The following TLK1 variants were observed in gnomAD, a reference collection of about 807,000 sequenced individuals.
TLK1 encodes the protein serine/threonine-protein kinase tousled-like 1.
A neutral mutation model predicts 105.3 loss-of-function variants in TLK1; 24 were observed. That is an observed-to-expected ratio of 0.23 (90% confidence interval 0.17 to 0.32). The LOEUF is 0.32. Ranked by LOEUF, TLK1 falls within the 10% of genes least tolerant of loss-of-function variation. TLK1 has a pLI of 1.00. For synonymous variants in TLK1, 321 were observed against 310.4 expected (o/e 1.03, Z -0.36); for missense variants, 558 against 910.5 (o/e 0.61, Z 4.98).
intron 1 of TLK1, among the ~76,000 whole-genome samples, chr2:171,171,878 T>G (rs1381187034): frequency 6.6e-6 from 1 of 152,190 alleles, no homozygotes; most frequent in Non-Finnish European, 1.5e-5. Context: ...CCACTAAAGC[T>G]GAAATGTCCA....
intron 1 of TLK1, among the ~76,000 whole-genome samples, chr2:171,213,137 A>G (rs567689827): frequency 6.6e-6 from 1 of 152,072 alleles, no homozygotes; most frequent in Admixed American, 6.5e-5. Flanking sequence ...TAATGGGTGA[A>G]TTCCAAGTCT....
intron 2 of TLK1, among the ~76,000 whole-genome samples, chr2:171,089,001 C>G (rs374356125): frequency 6.6e-6 from 1 of 152,218 alleles, no homozygotes. Flanking sequence ...TCTGCCTCAG[C>G]CTTCTGAGTA....
intron 6 of TLK1, 32 bp from the exon 7 acceptor site, chr2:171,055,204 A>C (rs1419559887): frequency 2.4e-5 from 6 of 249,466 alleles, no homozygotes; most frequent in Non-Finnish European, 2.3e-5. Flanking sequence ...TTATATTAGC[A>C]AAAAAAAAAA....
At chr2:171,161,342 A>G (rs1019837668), upstream of TLK1, among the ~76,000 whole-genome samples, 8 of 152,086 alleles carry the variant, frequency 5.3e-5, no homozygotes, top group Non-Finnish European at 8.8e-5. Context: ...CGGGAGTTCA[A>G]TGTGATCGTT....
rs1360701301 is a variant in TLK1 at position 170,993,232 on chromosome 2, T to TCTAA, written c.*544_*547dup. ...ACAAAGCCTAACTTTGTCCAAAGAT[T>TCTAA]CTAACTCTCACATTCTATTACTATA... is the stretch of plus-strand genomic sequence containing the variant. On this transcript the variant is annotated 3_prime_UTR_variant, in exon 21 of 21. Transcript: ENST00000431350. The TCTAA allele has an allele frequency of 6.6e-6, 1 of 152,624 alleles. No individual in the cohort carries two copies. 9.5% of individuals were successfully genotyped at this position (152,624 alleles called of 1,614,324 possible).
At chr2:171,100,902 A>G (rs892319205) in intron 2 of TLK1, among the ~76,000 whole-genome samples, 10 of 152,252 alleles carry the variant, frequency 6.6e-5, no homozygotes, top group Non-Finnish European at 1.5e-4. Context: ...TTTGCATCAA[A>G]AAACGGAAAC....
At chr2:170,998,081 T>C (rs939292262) in intron 18 of TLK1, among the ~76,000 whole-genome samples, 1 of 108,196 alleles carries the variant, frequency 9.2e-6, no homozygotes, top group African/African-American at 3.4e-5. Flanking sequence ...TATCTATCTA[T>C]CTATCTATCT....
chr2:171,123,330 G>A (rs538848179), intron 1 of TLK1, among the ~76,000 whole-genome samples: 168 of 152,142 alleles, frequency 1.1e-3, no homozygotes, highest in Admixed American at 2.7e-3. Flanking sequence ...CCAAGTAGCC[G>A]GGATTACAGG....
chr2:171,012,032 T>C (rs537576222), intron 13 of TLK1, among the ~76,000 whole-genome samples: 3 of 152,170 alleles, frequency 2.0e-5, no homozygotes, highest in South Asian at 2.1e-4. Context: ...GTATCCCTTA[T>C]TGAAATACCT....
intron 1 of TLK1, among the ~76,000 whole-genome samples, chr2:171,203,759 G>C (rs776668333): frequency 2.9e-4 from 44 of 152,092 alleles, no homozygotes; most frequent in Non-Finnish European, 5.4e-4. Context: ...AATTATAAAA[G>C]AAAAGATGGG....
In TLK1 at chr2:171,176,119, T is replaced by C. The variant is rs771654655; in HGVS notation, c.-6+55026A>G. 8.6e-5 allele frequency among the ~76,000 whole-genome samples: 13 copies of C among 152,046 alleles called. 1 individual carries two copies. The highest frequency in any genetic ancestry group is 3.3e-4 in the Admixed American group (5 of 15,276). ...GCCCTGCTAAATTTTTTTGTATTTTTAGTAGACACAGGGTTTCTCCATGTT... is the reference window on the plus strand; with the variant it reads ...GCCCTGCTAAATTTTTTTGTATTTTCAGTAGACACAGGGTTTCTCCATGTT... On this transcript the variant is annotated intron_variant, in intron 1 of 20. Transcript: ENST00000521943.
chr2:171,026,623 G>A (rs928201178), intron 12 of TLK1, among the ~76,000 whole-genome samples: 2 of 152,102 alleles, frequency 1.3e-5, no homozygotes, highest in African/African-American at 4.8e-5. Flanking sequence ...CTATAACTAA[G>A]TAAATAAGTA....
At chr2:171,155,885 T>C (rs2105605293) in intron 1 of TLK1, 1 of 152,302 alleles carries the variant, frequency 6.6e-6, no homozygotes, top group African/African-American at 2.4e-5. Context: ...GGAGAATGGA[T>C]CTATTCTCCC....
chr2:171,104,292 A>G (rs1689823026), intron 2 of TLK1, among the ~76,000 whole-genome samples: 1 of 151,696 alleles, frequency 6.6e-6, no homozygotes, highest in African/African-American at 2.4e-5. Context: ...AAAAAAAAAA[A>G]TTCCATTTAC....
chr2:171,209,276 G>A (rs369369988), intron 1 of TLK1, among the ~76,000 whole-genome samples: 38 of 152,146 alleles, frequency 2.5e-4, no homozygotes, highest in Admixed American at 2.5e-3. Context: ...ACAGGGGTGG[G>A]ATGGAAGTAT....
chr2:171,139,138 T>C (rs114870616), intron 1 of TLK1, among the ~76,000 whole-genome samples: 16 of 152,242 alleles, frequency 1.1e-4, no homozygotes, highest in Non-Finnish European at 2.4e-4. Context: ...GCTGAGAAAA[T>C]ACCCAGCATT....
At chr2:171,182,967 G>A (rs1315909843) in intron 1 of TLK1, among the ~76,000 whole-genome samples, 5 of 149,002 alleles carry the variant, frequency 3.4e-5, no homozygotes, top group African/African-American at 7.4e-5. Context: ...AAGAAAGAAA[G>A]AACATTATTG....
At chr2:171,002,993 C>T (rs548111650) in intron 18 of TLK1, among the ~76,000 whole-genome samples, 10 of 150,842 alleles carry the variant, frequency 6.6e-5, no homozygotes, top group African/African-American at 2.2e-4. Context: ...TACAAGGTTT[C>T]GCTGGGCGTG....
Position 170,993,951 on chromosome 2 carries a change from A to C in TLK1, c.2130T>G (p.Phe710Leu). 2 of 1,596,234 alleles carry C rather than the reference A, an allele frequency of 1.3e-6. No individual in the cohort carries two copies. Among genetic ancestry groups the C allele is most frequent in the East Asian group, 4.5e-5 (2 of 44,166 alleles). ...TTCGATATGCCAAACAGCGTCTTAT[A>C]AATGCCTCAAAAAGAGAAAGGAAAT... ...KPVVSSEAKA[F>L]IRRCLAYRKE... is the part of the protein sequence containing the mutation. The change falls in exon 21 of 21, where the codon TTT (phenylalanine) becomes TTG (leucine). Residue 710 changes from phenylalanine to leucine, a missense_variant. By Grantham distance (22) the Phe-to-Leu change is conservative. Coordinates refer to ENST00000431350, the MANE Select transcript of TLK1 (RefSeq NM_012290.5).
Sources: allele counts gnomAD v4.1 joint callset (sites outside exome capture counted in the v4.1 genomes callset), GRCh38; gene constraint gnomAD v4.1.1; transcripts MANE v1.5; gene names NCBI Gene and HGNC (gene_info 2026-07-23, HGNC 2026-07-21).